SLC8A3: variants seen among roughly 807,000 people sequenced by gnomAD.
SLC8A3 encodes solute carrier family 8 member A3.
SLC8A3 carries 37 observed loss-of-function variants against 65.4 expected under a neutral mutation model. The observed-to-expected ratio is 0.57, with a 90% CI of 0.44 to 0.74. The LOEUF is 0.74. Ranked by LOEUF, SLC8A3 falls within the 30% of genes least tolerant of loss-of-function variation. The probability of loss-of-function intolerance (pLI) is 0.00; values close to 1 mark genes in which losing one functional copy is unlikely to be tolerated. For missense variants in SLC8A3, 1,112 were observed against 1,172.1 expected (o/e 0.95, Z 0.75); for synonymous variants, 461 against 444.5 (o/e 1.04, Z -0.47).
rs538024238 is a variant in SLC8A3, at chr14:70,086,960, C to T, written c.1785-26021G>A. Among the ~76,000 whole-genome samples, 9 of 152,272 alleles carry T rather than the reference C, an allele frequency of 5.9e-5. 1 individual carries two copies. The South Asian group carries it at 1.0e-3, about 18-fold the overall frequency. ...TGAGTTACGTGTGCTGGAGGGAAACCGATGGGGCTGTCAGTAGAGGAGCCC... is the reference window on the plus strand; with the variant it reads ...TGAGTTACGTGTGCTGGAGGGAAACTGATGGGGCTGTCAGTAGAGGAGCCC... On this transcript the variant is annotated intron_variant, in intron 2 of 6. Transcript: ENST00000356921.
chr14:70,160,530 T>C (rs1260221299), intron 2 of SLC8A3, among the ~76,000 whole-genome samples: 4 of 152,210 alleles, frequency 2.6e-5, no homozygotes, highest in African/African-American at 4.8e-5. Context: ...CTGAGGATTT[T>C]TGGTATCCTC....
chr14:70,124,987 G>A (rs943185274), intron 2 of SLC8A3, among the ~76,000 whole-genome samples: 1 of 152,136 alleles, frequency 6.6e-6, no homozygotes, highest in Non-Finnish European at 1.5e-5. Context: ...CCATGACCTC[G>A]TCTTTTTCCC....
At chr14:70,156,702 G>C (rs1008431756) in intron 2 of SLC8A3, among the ~76,000 whole-genome samples, 1 of 152,308 alleles carries the variant, frequency 6.6e-6, no homozygotes, top group African/African-American at 2.4e-5. Context: ...GGATAAAGAG[G>C]GGGTGCCTGC....
At chr14:70,107,952 G>A (rs934138917) in intron 2 of SLC8A3, among the ~76,000 whole-genome samples, 11 of 152,068 alleles carry the variant, frequency 7.2e-5, no homozygotes, top group African/African-American at 2.7e-4. Flanking sequence ...TGGCATCCGT[G>A]CATGTGTTTG....
chr14:70,102,287 G>C (rs1166363263), intron 2 of SLC8A3, among the ~76,000 whole-genome samples: 2 of 152,084 alleles, frequency 1.3e-5, no homozygotes, highest in Admixed American at 6.6e-5. Context: ...ACTAAAATAG[G>C]CTCACTGTAA....
At chr14:70,134,459 A>G (rs1208383795) in intron 2 of SLC8A3, among the ~76,000 whole-genome samples, 1 of 152,126 alleles carries the variant, frequency 6.6e-6, no homozygotes, top group African/African-American at 2.4e-5. Flanking sequence ...TGTCCGAACA[A>G]GGTAAATGGC....
chr14:70,159,665 G>A (rs904464342), intron 2 of SLC8A3, among the ~76,000 whole-genome samples: 2 of 152,162 alleles, frequency 1.3e-5, no homozygotes, highest in Non-Finnish European at 1.5e-5. Flanking sequence ...CTTTTGAGTG[G>A]ATGAGGAAAC....
chr14:70,164,901 G>A (rs1266470922), intron 2 of SLC8A3, among the ~76,000 whole-genome samples: 1 of 152,138 alleles, frequency 6.6e-6, no homozygotes, highest in Non-Finnish European at 1.5e-5. Flanking sequence ...ACATATAAAT[G>A]GATAGTATTC....
Position 70,046,808 on chromosome 14 carries a change from ATGT to A in SLC8A3, c.2390-488_2390-486del, listed in dbSNP as rs1886845392. 1 of 156,960 alleles carries A rather than the reference ATGT, an allele frequency of 6.4e-6. No individual in the cohort carries two copies. Among genetic ancestry groups the A allele is most frequent in the Non-Finnish European group, 1.4e-5 (1 of 70,830 alleles). The allele number at this position is 156,960 out of a possible 1,614,324, so 9.7% of individuals were successfully genotyped here. A position where few individuals can be genotyped will look rare whatever the true frequency, so the allele number is the denominator to read the frequency against. On this transcript the variant is annotated intron_variant, in intron 6 of 6. Transcript: ENST00000356921. The surrounding 1 kb of genome is among the most constrained non-coding windows in gnomAD (Gnocchi z 4.2). ...GTGCTGGATTTTGGGGACAGAGGACATGTTGGGGAACCATGATGGGGACATGCA... is the reference window on the plus strand; with the variant it reads ...GTGCTGGATTTTGGGGACAGAGGACATGGGGAACCATGATGGGGACATGCA...
intron 5 of SLC8A3, 132 bp downstream of exon 5, chr14:70,050,876 C>T (rs1173967048): frequency 8.3e-6 from 5 of 603,528 alleles, no homozygotes; most frequent in African/African-American, 1.9e-5. Flanking sequence ...CAAGCAGGCA[C>T]CTAGGACCAG....
chr14:70,046,391 T>C lies in SLC8A3; in HGVS notation c.2390-68A>G. 1.3e-6 allele frequency: 2 copies of C among 1,493,782 alleles called. No homozygotes were observed. The highest frequency in any genetic ancestry group is 4.6e-5 in the East Asian group (2 of 43,832). 92.5% of individuals were successfully genotyped at this position (1,493,782 alleles called of 1,614,324 possible). A position where few individuals can be genotyped will look rare whatever the true frequency, so the allele number is the denominator to read the frequency against. On this transcript the variant is annotated intron_variant, in intron 6 of 6. Transcript: ENST00000356921. This position sits in a 1 kb window ranked among gnomAD's most constrained non-coding sequence, Gnocchi z 4.2. Reference sequence around the variant, plus strand: ...GGTGTGCAGGGCTTGTCTTCCAGTATGCCCAAAAAGCAGCTTGAGCTGGTG... The same window carrying C: ...GGTGTGCAGGGCTTGTCTTCCAGTACGCCCAAAAAGCAGCTTGAGCTGGTG...
chr14:70,169,721 T>C (rs1048368375), intron 1 of SLC8A3, among the ~76,000 whole-genome samples: 1 of 146,486 alleles, frequency 6.8e-6, no homozygotes, highest in South Asian at 2.3e-4. Context: ...CTCCCTCTGC[T>C]ACAACTGTGT....
chr14:70,145,532 C>T (rs574833321), intron 2 of SLC8A3, among the ~76,000 whole-genome samples: 1 of 152,172 alleles, frequency 6.6e-6, no homozygotes, highest in Non-Finnish European at 1.5e-5. Context: ...AGATGCTGCC[C>T]TGTTGTATCA....
At chr14:70,089,247 T>A (rs1433107829) in intron 2 of SLC8A3, among the ~76,000 whole-genome samples, 2 of 152,186 alleles carry the variant, frequency 1.3e-5, no homozygotes, top group Non-Finnish European at 2.9e-5. Context: ...CCAACTTCCT[T>A]AGACTGATTT....
chr14:70,186,144 C>T (rs1883194225), intron 1 of SLC8A3, among the ~76,000 whole-genome samples: 1 of 152,138 alleles, frequency 6.6e-6, no homozygotes, highest in Admixed American at 6.5e-5. Context: ...AGTGAGTTCT[C>T]ACAAGATCTG....
intron 2 of SLC8A3, among the ~76,000 whole-genome samples, chr14:70,155,711 C>T (rs138354985): frequency 6.6e-6 from 1 of 152,288 alleles, no homozygotes; most frequent in African/African-American, 2.4e-5. Flanking sequence ...AGTGGTAAGG[C>T]CCAGGTAACC....
chr14:70,091,353 G>C (rs1891793905), intron 2 of SLC8A3, among the ~76,000 whole-genome samples: 1 of 152,174 alleles, frequency 6.6e-6, no homozygotes, highest in African/African-American at 2.4e-5. Flanking sequence ...CTTTTAGCAG[G>C]AGGGAGAATG....
intron 2 of SLC8A3, among the ~76,000 whole-genome samples, chr14:70,076,636 G>A (rs567623722): frequency 1.3e-5 from 2 of 152,158 alleles, no homozygotes; most frequent in Non-Finnish European, 2.9e-5. Flanking sequence ...ACTATTATTG[G>A]GCTACTCTTA....
At chr14:70,152,061 T>G (rs1313717254) in intron 2 of SLC8A3, among the ~76,000 whole-genome samples, 1 of 152,132 alleles carries the variant, frequency 6.6e-6, no homozygotes, top group Non-Finnish European at 1.5e-5. Flanking sequence ...GCCAATGGCA[T>G]TTTGGGCAGA....
Sources: gnomAD v4.1 joint callset for allele counts (sites outside exome capture counted in the v4.1 genomes callset) on GRCh38, gnomAD v4.1.1 for gene constraint, Gnocchi (gnomAD v3.1) non-coding constraint, MANE v1.5 for transcripts, NCBI Gene and HGNC (gene_info 2026-07-23, HGNC 2026-07-21) for gene names.